Variants in NMNAT3 observed in about 807,000 individuals in gnomAD.
The protein encoded by NMNAT3 is nicotinamide nucleotide adenylyltransferase 3.
NMNAT3 carries 21 observed loss-of-function variants against 24.8 expected under a neutral mutation model. The observed-to-expected ratio is 0.85, with a 90% CI of 0.60 to 1.22. The LOEUF is 1.22. Ranked by LOEUF, NMNAT3 falls within the 50% of genes most tolerant of loss-of-function variation. The probability of loss-of-function intolerance (pLI) is 0.00; values close to 1 mark genes in which losing one functional copy is unlikely to be tolerated. For synonymous variants in NMNAT3, 136 were observed against 155.2 expected, an observed-to-expected ratio of 0.88 and a Z score of 0.92; for missense variants, 387 against 436.6, an observed-to-expected ratio of 0.89 and a Z score of 1.01.
At chr3:139,630,550 TG>T (rs1338539065) in intron 2 of NMNAT3, among the ~76,000 whole-genome samples, 1 of 152,194 alleles carries the variant, frequency 6.6e-6, no homozygotes, top group East Asian at 1.9e-4. Context: ...GGAAGGGAAG[TG>T]GTGTTTTCTC....
chr3:139,601,905 TAATC>T (rs1275573425), intron 3 of NMNAT3, among the ~76,000 whole-genome samples: 4 of 152,252 alleles, frequency 2.6e-5, no homozygotes, highest in African/African-American at 9.6e-5. Context: ...AAAGCCTTGT[TAATC>T]AAATCAATTC....
chr3:139,672,178 A>G (rs1366795560), intron 1 of NMNAT3, among the ~76,000 whole-genome samples: 1 of 152,174 alleles, frequency 6.6e-6, no homozygotes, highest in Non-Finnish European at 1.5e-5. Flanking sequence ...TCTAACCCCT[A>G]CACACCTGCC....
At chr3:139,631,080 T>C (rs1417609994) in intron 2 of NMNAT3, among the ~76,000 whole-genome samples, 8 of 152,202 alleles carry the variant, frequency 5.3e-5, no homozygotes, top group Non-Finnish European at 1.2e-4. Context: ...TGAAGTGTGA[T>C]GCTGAGAAGG....
chr3:139,566,765 G>C (rs1937298805), intron 6 of NMNAT3: 1 of 152,232 alleles, frequency 6.6e-6, no homozygotes. Flanking sequence ...GGTTACTGTA[G>C]CCTTGTAGTA....
chr3:139,665,430 A>G (rs977393259), intron 1 of NMNAT3, among the ~76,000 whole-genome samples: 1 of 152,148 alleles, frequency 6.6e-6, no homozygotes, highest in African/African-American at 2.4e-5. Flanking sequence ...GCAGTATGGA[A>G]ATAAGTTACA....
intron 2 of NMNAT3, among the ~76,000 whole-genome samples, chr3:139,628,923 A>G (rs768791864): frequency 2.0e-5 from 3 of 152,188 alleles, no homozygotes; most frequent in Non-Finnish European, 2.9e-5. Flanking sequence ...GATGATGACA[A>G]TGGTGAGAAA....
At chr3:139,579,248 C>G (rs1939812884) in intron 4 of NMNAT3, among the ~76,000 whole-genome samples, 193 bp from the exon 5 acceptor site, 1 of 152,164 alleles carries the variant, frequency 6.6e-6, no homozygotes, top group East Asian at 1.9e-4. Context: ...ACATGTGCTT[C>G]TCCTCTAGAG....
intron 3 of NMNAT3, among the ~76,000 whole-genome samples, chr3:139,622,538 G>A (rs2055828074): frequency 6.6e-6 from 1 of 151,338 alleles, no homozygotes; most frequent in South Asian, 2.1e-4. Context: ...TTCAAGACCA[G>A]CCTGACCAAT....
At chr3:139,651,688 G>A (rs187207312) in intron 1 of NMNAT3, among the ~76,000 whole-genome samples, 1 of 152,276 alleles carries the variant, frequency 6.6e-6, no homozygotes, top group Non-Finnish European at 1.5e-5. Flanking sequence ...GAGCTGGCAG[G>A]TCTGAGGGCA....
At chr3:139,635,197 C>T (rs2056456579) in intron 2 of NMNAT3, 1 of 152,216 alleles carries the variant, frequency 6.6e-6, no homozygotes, top group Non-Finnish European at 1.5e-5. Context: ...AAAAGACCTC[C>T]CATTTTTCTA....
intron 3 of NMNAT3, among the ~76,000 whole-genome samples, chr3:139,619,116 C>T (rs2055643947): frequency 6.6e-6 from 1 of 152,202 alleles, no homozygotes; most frequent in Non-Finnish European, 1.5e-5. Flanking sequence ...CCACAATCAC[C>T]TGCTACCATG....
At chr3:139,591,674 C>T (rs1197357146) in intron 3 of NMNAT3, among the ~76,000 whole-genome samples, 4 of 152,176 alleles carry the variant, frequency 2.6e-5, no homozygotes, top group Non-Finnish European at 4.4e-5. Context: ...GACCCCCGAG[C>T]AGCCTAACTG....
chr3:139,590,922 ATAGAT>A (rs1315224097), intron 3 of NMNAT3, among the ~76,000 whole-genome samples: 2 of 152,202 alleles, frequency 1.3e-5, no homozygotes, highest in African/African-American at 4.8e-5. Flanking sequence ...GCATAATGAT[ATAGAT>A]TAAAAATATA....
chr3:139,665,347 C>T (rs899992896), intron 1 of NMNAT3, among the ~76,000 whole-genome samples: 2 of 152,192 alleles, frequency 1.3e-5, no homozygotes, highest in African/African-American at 4.8e-5. Context: ...ACTCATTTGC[C>T]TCCCTCCCTC....
At chr3:139,672,927 G>T (rs1337101079) in intron 1 of NMNAT3, among the ~76,000 whole-genome samples, 2 of 152,148 alleles carry the variant, frequency 1.3e-5, no homozygotes, top group Admixed American at 1.3e-4. Context: ...GGTTCCTCAC[G>T]AAGGACTGTG....
chr3:139,638,194 A>G (rs374005523), intron 1 of NMNAT3, 132 bp from the exon 2 acceptor site: 1 of 152,246 alleles, frequency 6.6e-6, no homozygotes, highest in African/African-American at 2.4e-5. Context: ...GAATTTCTGC[A>G]TCCTAATCTG....
intron 1 of NMNAT3, among the ~76,000 whole-genome samples, chr3:139,644,051 C>T (rs900746961): frequency 2.0e-5 from 3 of 152,100 alleles, no homozygotes; most frequent in African/African-American, 7.2e-5. Flanking sequence ...ATAAATAGTA[C>T]CAGAGATCTG....
At chr3:139,585,949 C>T (rs2053919887) in intron 3 of NMNAT3, among the ~76,000 whole-genome samples, 14 of 152,202 alleles carry the variant, frequency 9.2e-5, no homozygotes, top group Admixed American at 9.2e-4. Context: ...TCTCTGAATT[C>T]TGTTCTTCCC....
chr3:139,594,267 A>AG (rs2054338500), intron 3 of NMNAT3, among the ~76,000 whole-genome samples: 1 of 152,238 alleles, frequency 6.6e-6, no homozygotes, highest in Non-Finnish European at 1.5e-5. Flanking sequence ...ACAAGGAAGA[A>AG]GTTGAATCTC....
Sources: allele counts gnomAD v4.1 joint callset (sites outside exome capture counted in the v4.1 genomes callset), GRCh38; gene constraint gnomAD v4.1.1; transcripts MANE v1.5; gene names NCBI Gene and HGNC (gene_info 2026-07-23, HGNC 2026-07-21).